Variants in RNLS observed in about 807,000 individuals in gnomAD.
The protein encoded by RNLS is renalase.
Under a neutral mutation model 39.8 loss-of-function variants are expected in RNLS, and 39 were observed. The observed-to-expected ratio is 0.98, with a 90% confidence interval of 0.76 to 1.28. The LOEUF (loss-of-function observed/expected upper bound fraction) is 1.28, where lower values mean the gene tolerates loss of function less well. Ranked by LOEUF, RNLS falls within the 50% of genes most tolerant of loss-of-function variation. The pLI, the probability that RNLS is intolerant of heterozygous loss-of-function variation, is 0.00. For missense variants in RNLS, 410 were observed against 413.3 expected (o/e 0.99, Z 0.07); for synonymous variants, 147 against 150.7 (o/e 0.98, Z 0.18).
intron 5 of RNLS, among the ~76,000 whole-genome samples, chr10:88,316,174 T>C (rs905776122): frequency 1.3e-5 from 2 of 152,106 alleles, no homozygotes; most frequent in African/African-American, 4.8e-5. Context: ...GTAAATGCAA[T>C]GGTAAGCTGG....
intron 3 of RNLS, among the ~76,000 whole-genome samples, chr10:88,574,565 G>T (rs1173922107): frequency 2.0e-5 from 3 of 152,146 alleles, no homozygotes; most frequent in African/African-American, 7.2e-5. Context: ...CGGGTCTTCA[G>T]ATCTCATACA....
At chr10:88,257,453 AC>A in the RNLS span, among the ~76,000 whole-genome samples, 1 of 152,176 alleles carries the variant, frequency 6.6e-6, no homozygotes, top group Non-Finnish European at 1.5e-5. Context: ...ACCACAAAAT[AC>A]CCTCAGAGGA....
At chr10:88,231,487 C>T in the RNLS span, among the ~76,000 whole-genome samples, 7 of 152,218 alleles carry the variant, frequency 4.6e-5, no homozygotes, top group East Asian at 1.9e-4. Flanking sequence ...TCCTTGGAAA[C>T]GTATACACTT....
At chr10:88,568,861 A>C (rs1004040477) in intron 4 of RNLS, among the ~76,000 whole-genome samples, 1 of 152,210 alleles carries the variant, frequency 6.6e-6, no homozygotes, top group Non-Finnish European at 1.5e-5. Context: ...CACGGTATTA[A>C]TAATAATTCT....
At chr10:88,463,164 T>G (rs1843021532) in intron 4 of RNLS, among the ~76,000 whole-genome samples, 1 of 152,024 alleles carries the variant, frequency 6.6e-6, no homozygotes, top group Non-Finnish European at 1.5e-5. Flanking sequence ...TAATATGACC[T>G]TATTTGGAAA....
downstream of RNLS, among the ~76,000 whole-genome samples, chr10:88,281,787 T>C: frequency 6.6e-6 from 1 of 152,128 alleles, no homozygotes; most frequent in East Asian, 1.9e-4. Flanking sequence ...AACCCTGATA[T>C]ATTAAAACCT....
the RNLS span, among the ~76,000 whole-genome samples, chr10:88,224,553 G>A: frequency 5.3e-5 from 8 of 152,176 alleles, no homozygotes; most frequent in Admixed American, 3.3e-4. Context: ...CTGTCTGTTG[G>A]ATAAATTGTT....
intron 4 of RNLS, among the ~76,000 whole-genome samples, chr10:88,445,511 A>G (rs1321563050): frequency 6.6e-6 from 1 of 152,228 alleles, no homozygotes; most frequent in African/African-American, 2.4e-5. Context: ...ATTAAAAGAC[A>G]CAGACTGGCA....
chr10:88,394,490 T>C (rs1020949769), intron 4 of RNLS, among the ~76,000 whole-genome samples: 1 of 152,158 alleles, frequency 6.6e-6, no homozygotes, highest in Admixed American at 6.5e-5. Context: ...AAAACCACAA[T>C]GAGATACCAT....
intron 5 of RNLS, among the ~76,000 whole-genome samples, chr10:88,343,316 C>T (rs946068752): frequency 1.3e-4 from 20 of 151,220 alleles, no homozygotes; most frequent in African/African-American, 4.8e-4. Context: ...AATATCAATA[C>T]GATTTGGTTT....
At chr10:88,424,810 G>C (rs1412778107) in intron 4 of RNLS, among the ~76,000 whole-genome samples, 2 of 152,044 alleles carry the variant, frequency 1.3e-5, no homozygotes, top group African/African-American at 4.8e-5. Context: ...TTGAGCACTG[G>C]GGCAGAGGAA....
At chr10:88,368,940 A>G (rs915242271) in intron 4 of RNLS, among the ~76,000 whole-genome samples, 1 of 152,102 alleles carries the variant, frequency 6.6e-6, no homozygotes, top group African/African-American at 2.4e-5. Context: ...GTTACTTGCT[A>G]GGAAGAATAG....
At chr10:88,524,973 A>C (rs1847017570) in intron 4 of RNLS, among the ~76,000 whole-genome samples, 1 of 131,164 alleles carries the variant, frequency 7.6e-6, no homozygotes, top group Non-Finnish European at 1.7e-5. Flanking sequence ...ATATATATAT[A>C]TATATATATA....
chr10:88,555,634 T>A (rs906270665), intron 4 of RNLS, among the ~76,000 whole-genome samples: 6 of 152,074 alleles, frequency 3.9e-5, no homozygotes, highest in African/African-American at 1.4e-4. Flanking sequence ...AAAATATATC[T>A]CTTCCAGCTT....
intron 4 of RNLS, among the ~76,000 whole-genome samples, chr10:88,529,851 A>T (rs902508634): frequency 2.0e-5 from 3 of 152,200 alleles, no homozygotes; most frequent in Non-Finnish European, 2.9e-5. Context: ...ATAGATCTGA[A>T]GTCCTCTGAA....
At chr10:88,520,967 T>C (rs181787700) in intron 4 of RNLS, among the ~76,000 whole-genome samples, 1 of 152,136 alleles carries the variant, frequency 6.6e-6, no homozygotes, top group Admixed American at 6.6e-5. Flanking sequence ...TATCATTTCC[T>C]GTTCACGGGT....
rs1238700967 is a variant in RNLS at position 88,314,583 on chromosome 10, T to C, written c.759A>G (p.Thr253=). The change falls in exon 6 of 7, where the codon ACA becomes ACG. Residue 253 remains threonine, a synonymous_variant. Coordinates refer to ENST00000331772, the MANE Select transcript of RNLS (RefSeq NM_001031709.3). The part of the protein sequence containing the change: ...VIHTTVPFGV[T]YLEHSIEDVQ... ...CATCCTCAATGCTGTGTTCCAAGTA[T>C]GTAACTCCAAATGGGACAGTGGTGT... 1.2e-6 allele frequency: 2 copies of C among 1,613,960 alleles called. No homozygotes were observed. The highest frequency in any genetic ancestry group is 1.7e-5 in the Admixed American group (1 of 60,016).
the RNLS span, among the ~76,000 whole-genome samples, chr10:88,233,421 C>T: frequency 6.6e-6 from 1 of 152,176 alleles, no homozygotes; most frequent in African/African-American, 2.4e-5. Flanking sequence ...GTTGAAATGT[C>T]GTCCAAAGCC....
chr10:88,490,090 AT>A (rs1844799593), intron 4 of RNLS, among the ~76,000 whole-genome samples: 2 of 152,198 alleles, frequency 1.3e-5, no homozygotes, highest in Admixed American at 1.3e-4. Context: ...GGGAAAAAAT[AT>A]GCTGTAAAAT....
Sources: allele counts gnomAD v4.1 joint callset (sites outside exome capture counted in the v4.1 genomes callset), GRCh38; gene constraint gnomAD v4.1.1; transcripts MANE v1.5; gene names NCBI Gene and HGNC (gene_info 2026-07-23, HGNC 2026-07-21).